Variants in PPM1H observed in about 807,000 individuals in gnomAD.
PPM1H encodes the protein protein phosphatase 1H.
A neutral mutation model predicts 54.9 loss-of-function variants in PPM1H; 27 were observed. The observed-to-expected ratio is 0.49, with a 90% confidence interval of 0.36 to 0.68. The LOEUF (loss-of-function observed/expected upper bound fraction) is 0.68. Among genes scored for constraint, PPM1H ranks in the 30% least tolerant of loss-of-function variants. The pLI, the probability that PPM1H is intolerant of heterozygous loss-of-function variation, is 0.00. For synonymous variants in PPM1H, 305 were observed against 270.8 expected, an observed-to-expected ratio of 1.13 and a Z score of -1.24; for missense variants, 596 against 667.8, an observed-to-expected ratio of 0.89 and a Z score of 1.19.
chr12:62,863,472 C>T (rs648537), intron 1 of PPM1H, among the ~76,000 whole-genome samples: 21,212 of 152,230 alleles, frequency 0.14, 1,660 homozygotes, highest in East Asian at 0.37. Context: ...AATTGTTGAT[C>T]ACCTATATTC....
chr12:62,656,464 C>T (rs150297059), intron 9 of PPM1H, among the ~76,000 whole-genome samples: 591 of 152,294 alleles, frequency 3.9e-3, no homozygotes, highest in Admixed American at 7.3e-3. Flanking sequence ...AAGTCATCTA[C>T]GTCTTATAGT....
chr12:62,823,548 C>T (rs2076917432), intron 2 of PPM1H, among the ~76,000 whole-genome samples: 1 of 152,174 alleles, frequency 6.6e-6, no homozygotes, highest in African/African-American at 2.4e-5. Flanking sequence ...AGCTTATCCA[C>T]CATGATCAAG....
At chr12:62,696,075 CTGCAG>C (rs1377330835) in intron 6 of PPM1H, among the ~76,000 whole-genome samples, 2 of 152,172 alleles carry the variant, frequency 1.3e-5, no homozygotes, top group Non-Finnish European at 2.9e-5. Flanking sequence ...AGGCAGAAGG[CTGCAG>C]CTCTAGAACC....
intron 1 of PPM1H, among the ~76,000 whole-genome samples, chr12:62,849,606 A>G (rs1869103456): frequency 6.6e-6 from 1 of 152,228 alleles, no homozygotes; most frequent in Admixed American, 6.5e-5. Flanking sequence ...GAAAGGTGCC[A>G]GGTGCTAAGA....
chr12:62,791,663 G>A (rs1339967219), intron 3 of PPM1H, among the ~76,000 whole-genome samples: 1 of 152,204 alleles, frequency 6.6e-6, no homozygotes, highest in East Asian at 1.9e-4. Flanking sequence ...GCTCATGCCT[G>A]TAATCCCAGC....
chr12:62,814,065 A>C (rs1171363715), intron 2 of PPM1H, among the ~76,000 whole-genome samples: 1 of 152,150 alleles, frequency 6.6e-6, no homozygotes, highest in Non-Finnish European at 1.5e-5. Context: ...TCAATAAATG[A>C]ACAAACACAT....
chr12:62,672,243 T>C (rs757780940), intron 8 of PPM1H, among the ~76,000 whole-genome samples: 14 of 152,206 alleles, frequency 9.2e-5, no homozygotes, highest in Non-Finnish European at 1.9e-4. Context: ...CAGAATACTA[T>C]TGCTTTTGCG....
At chr12:62,875,371 T>C (rs2121020598) in intron 1 of PPM1H, among the ~76,000 whole-genome samples, 1 of 152,246 alleles carries the variant, frequency 6.6e-6, no homozygotes, top group East Asian at 1.9e-4. Context: ...TCTTAAAAGG[T>C]CACACTAAAC....
chr12:62,670,023 G>A (rs1257442010), intron 8 of PPM1H, among the ~76,000 whole-genome samples: 3 of 113,206 alleles, frequency 2.7e-5, no homozygotes, highest in Non-Finnish European at 4.9e-5. Context: ...TGTTGCCCAG[G>A]CTGGAGTGCA....
intron 6 of PPM1H, among the ~76,000 whole-genome samples, chr12:62,701,685 T>G (rs1203920267): frequency 6.6e-6 from 1 of 151,546 alleles, no homozygotes; most frequent in African/African-American, 2.4e-5. Context: ...TGTTTGTTTT[T>G]TTTTTTTGAC....
At chr12:62,748,794 C>T (rs1187557203) in intron 4 of PPM1H, among the ~76,000 whole-genome samples, 1 of 152,100 alleles carries the variant, frequency 6.6e-6, no homozygotes, top group African/African-American at 2.4e-5. Context: ...AGAAACAGCA[C>T]CAGCACCAGC....
chr12:62,904,582 G>A (rs951380549), intron 1 of PPM1H, among the ~76,000 whole-genome samples: 5 of 152,154 alleles, frequency 3.3e-5, no homozygotes, highest in African/African-American at 1.2e-4. Flanking sequence ...AGACAGAACG[G>A]TGCCATATGT....
chr12:62,720,411 T>C (rs1275738970), intron 5 of PPM1H, 122 bp from the exon 6 acceptor site: 2 of 664,238 alleles, frequency 3.0e-6, no homozygotes, highest in African/African-American at 1.8e-5. Flanking sequence ...AATTGCCTCA[T>C]ATTTTAAGTA....
chr12:62,854,061 AAAAC>A (rs1368823218), intron 1 of PPM1H, among the ~76,000 whole-genome samples: 2 of 152,214 alleles, frequency 1.3e-5, no homozygotes, highest in East Asian at 3.8e-4. Flanking sequence ...AAAGCAAAAC[AAAAC>A]AAAACATGAA....
chr12:62,860,819 A>C (rs1869572047), intron 1 of PPM1H, among the ~76,000 whole-genome samples: 1 of 152,236 alleles, frequency 6.6e-6, no homozygotes, highest in Non-Finnish European at 1.5e-5. Flanking sequence ...GTTGCTATTA[A>C]GTTTCCTCGC....
intron 1 of PPM1H, among the ~76,000 whole-genome samples, chr12:62,900,778 C>T (rs78464057): frequency 0.031 from 4,764 of 152,224 alleles, 279 homozygotes; most frequent in African/African-American, 0.11. Context: ...CTCAGTGTCA[C>T]AGGGGACATA....
chr12:62,705,362 A>G (rs924429637), intron 6 of PPM1H, among the ~76,000 whole-genome samples: 1 of 152,224 alleles, frequency 6.6e-6, no homozygotes, highest in Non-Finnish European at 1.5e-5. Flanking sequence ...GTTCTATTGG[A>G]TTCATTTGCA....
At chr12:62,650,287 T>C (rs75693777) in intron 9 of PPM1H, among the ~76,000 whole-genome samples, 5,763 of 152,304 alleles carry the variant, frequency 0.038, 154 homozygotes, top group Non-Finnish European at 0.054. Flanking sequence ...TTATAGTCAA[T>C]ACAAAATAAA....
intron 1 of PPM1H, among the ~76,000 whole-genome samples, chr12:62,926,999 T>C (rs1266959287): frequency 6.6e-6 from 1 of 152,202 alleles, no homozygotes; most frequent in Non-Finnish European, 1.5e-5. Flanking sequence ...GGCTAATAAA[T>C]ATCTATAACA....
Sources: allele counts gnomAD v4.1 joint callset (sites outside exome capture counted in the v4.1 genomes callset), GRCh38; gene constraint gnomAD v4.1.1; transcripts MANE v1.5; gene names NCBI Gene and HGNC (gene_info 2026-07-23, HGNC 2026-07-21).